GCC2: variants seen among roughly 807,000 people sequenced by gnomAD.
The protein encoded by GCC2 is GRIP and coiled-coil domain-containing protein 2.
GCC2 carries 120 observed loss-of-function variants against 210.6 expected under a neutral mutation model. The observed-to-expected ratio is 0.57, with a 90% CI of 0.49 to 0.66. The LOEUF (loss-of-function observed/expected upper bound fraction) is 0.66. Ranked by LOEUF, GCC2 falls within the 30% of genes least tolerant of loss-of-function variation. The probability of loss-of-function intolerance (pLI) is 0.00; values close to 1 mark genes in which losing one functional copy is unlikely to be tolerated. For synonymous variants in GCC2, 703 were observed against 652.7 expected (o/e 1.08, Z -1.17); for missense variants, 1,868 against 1,871.9 (o/e 1.00, Z 0.04).
rs200440313 is a variant in GCC2 at position 108,483,561 on chromosome 2, A to AT, written c.3450+396dup. ...ACTATTCTATACATGTTGAAAAGGA[A>AT]TATTTTAGAATGTTACTTGTGGTAC... On this transcript the variant is annotated intron_variant, in intron 12 of 22. Coordinates refer to ENST00000309863, the MANE Select transcript of GCC2 (RefSeq NM_181453.4). 4.6e-5 allele frequency among the ~76,000 whole-genome samples: 7 copies of AT among 152,290 alleles called. No homozygotes were observed. The East Asian group carries it at 9.6e-4, about 21-fold the overall frequency.
chr2:108,460,168 A>G (rs1024225318), intron 4 of GCC2, among the ~76,000 whole-genome samples: 12 of 152,102 alleles, frequency 7.9e-5, no homozygotes, highest in African/African-American at 2.7e-4. Flanking sequence ...AGATTTTCTA[A>G]TCCTTTTGTT....
chr2:108,489,907 T>C lies in GCC2; in HGVS notation c.4122T>C (p.Ile1374=), dbSNP rs760256265. The C allele has an allele frequency of 6.2e-7, 1 of 1,610,474 alleles. No individual in the cohort carries two copies. Among genetic ancestry groups the C allele is most frequent in the South Asian group, 1.1e-5 (1 of 90,774 alleles). ...KLQDSQNNLQ[I]NVSELQTLQS... The stretch of plus-strand genomic sequence containing the variant: ...AAGATAGCCAAAATAACTTACAGAT[T>C]AATGTATCTGAACTTCAAACATTGC... Residue 1374 remains isoleucine (I), a synonymous_variant, in exon 18 of 23, where the codon ATT becomes ATC. Coordinates refer to ENST00000309863, the MANE Select transcript of GCC2 (RefSeq NM_181453.4).
In GCC2 at chr2:108,489,119, C is replaced by T. The variant is rs191051142; in HGVS notation, c.4053-719C>T. On this transcript the variant is annotated intron_variant, in intron 17 of 22. Coordinates refer to ENST00000309863, the MANE Select transcript of GCC2 (RefSeq NM_181453.4). Reference sequence around the variant, plus strand: ...GCAGAATCAGGATTTTAACTATCTCCACCTAGTGTTTTTTCCAAGTCTAAA... The same window carrying T: ...GCAGAATCAGGATTTTAACTATCTCTACCTAGTGTTTTTTCCAAGTCTAAA... 4.6e-5 allele frequency among the ~76,000 whole-genome samples: 7 copies of T among 152,296 alleles called. No homozygotes were observed. In the East Asian group the frequency reaches 9.6e-4, roughly 21 times the overall value.
intron 4 of GCC2, among the ~76,000 whole-genome samples, chr2:108,466,003 C>T (rs1680863688): frequency 6.6e-6 from 1 of 152,170 alleles, no homozygotes; most frequent in Admixed American, 6.5e-5. Flanking sequence ...GGTGGTATCT[C>T]ACTGTGGCTT....
chr2:108,465,134 A>G (rs1211049580), intron 4 of GCC2, among the ~76,000 whole-genome samples: 1 of 152,204 alleles, frequency 6.6e-6, no homozygotes, highest in Non-Finnish European at 1.5e-5. Context: ...ACATTTCAAC[A>G]TGAGATTTGG....
chr2:108,480,364 CAG>C lies in GCC2; in HGVS notation c.3061-1331_3061-1330del, dbSNP rs1681787623. Among the ~76,000 whole-genome samples the C allele has an allele frequency of 3.9e-5, 6 of 152,240 alleles. No homozygotes were observed. In the South Asian group the frequency reaches 1.2e-3, roughly 32 times the overall value. On this transcript the variant is annotated intron_variant, in intron 9 of 22. Transcript: ENST00000309863. ...AACAGATTCCTCAAAGACCTAAAAA[CAG>C]AAATACCATTTGACCCAGCAATCCC...
At position 108,509,366 on chromosome 2, in the gene GCC2, T is replaced by C. The variant is rs1317660942; in HGVS notation, c.*1736T>C. On this transcript the variant is annotated 3_prime_UTR_variant, in exon 23 of 23. Transcript: ENST00000309863. Reference sequence around the variant, plus strand: ...GCAATGAGAGGAAGTGTAATGATTATTTTAATATTTCTATTAAATATGTTT... The same window carrying C: ...GCAATGAGAGGAAGTGTAATGATTACTTTAATATTTCTATTAAATATGTTT... The C allele has an allele frequency of 6.6e-6, 1 of 152,310 alleles. No individual in the cohort carries two copies. Among genetic ancestry groups the C allele is most frequent in the Non-Finnish European group, 1.5e-5 (1 of 68,024 alleles). 9.4% of individuals were successfully genotyped at this position (152,310 alleles called of 1,614,324 possible). A position where few individuals can be genotyped will look rare whatever the true frequency, so the allele number is the denominator to read the frequency against.
At chr2:108,478,156 C>T (rs1032347418) in intron 9 of GCC2, among the ~76,000 whole-genome samples, 2 of 152,020 alleles carry the variant, frequency 1.3e-5, no homozygotes, top group Admixed American at 6.5e-5. Flanking sequence ...GTAACTTGCT[C>T]TTATGAAGAA....
chr2:108,482,469 A>C lies in GCC2; in HGVS notation c.3345+18A>C. 1 of 1,268,312 alleles carries C rather than the reference A, an allele frequency of 7.9e-7. No individual in the cohort carries two copies. Among genetic ancestry groups the C allele is most frequent in the Non-Finnish European group, 1.1e-6 (1 of 880,064 alleles). The allele number at this position is 1,268,312 out of a possible 1,614,324, so 78.6% of individuals were successfully genotyped here. A position where few individuals can be genotyped will look rare whatever the true frequency, so the allele number is the denominator to read the frequency against. On this transcript the variant is annotated intron_variant, in intron 11 of 22. Coordinates refer to ENST00000309863, the MANE Select transcript of GCC2 (RefSeq NM_181453.4). ...AGATAAAGGTAAAAACAATCCTATGAGATTGATTCACATATATATGATGCA... is the reference window on the plus strand; with the variant it reads ...AGATAAAGGTAAAAACAATCCTATGCGATTGATTCACATATATATGATGCA...
intron 4 of GCC2, among the ~76,000 whole-genome samples, chr2:108,459,745 CTTTTTTTTTTTTT>C (rs34052393): frequency 0.01 from 268 of 26,788 alleles, 2 homozygotes; most frequent in African/African-American, 0.03. Context: ...CCTTCTTTGT[CTTTTTTTTTTTTT>C]TTTTTTTTTT....
chr2:108,473,131 T>C, intron 7 of GCC2: 1 of 391,194 alleles, frequency 2.6e-6, no homozygotes, highest in South Asian at 4.5e-5. Flanking sequence ...ATAAATGGCT[T>C]CATGATTTAT....
At chr2:108,460,006 T>C (rs1423429115) in intron 4 of GCC2, among the ~76,000 whole-genome samples, 3 of 151,880 alleles carry the variant, frequency 2.0e-5, no homozygotes, top group Non-Finnish European at 4.4e-5. Context: ...TCTGCTACCA[T>C]GCCCAGCTAA....
chr2:108,453,800 A>C (rs921012964), intron 4 of GCC2, among the ~76,000 whole-genome samples: 14 of 151,590 alleles, frequency 9.2e-5, no homozygotes, highest in Admixed American at 5.3e-4. Flanking sequence ...AAAAAAAAAA[A>C]AACACAAAAA....
intron 9 of GCC2, among the ~76,000 whole-genome samples, chr2:108,477,563 A>G (rs1681607439): frequency 6.6e-6 from 1 of 152,196 alleles, no homozygotes; most frequent in Non-Finnish European, 1.5e-5. Flanking sequence ...CATCTCAGTA[A>G]AGTTTGAAAC....
In GCC2 at chr2:108,481,833, TC is replaced by T; in HGVS notation, c.3180+19del. The stretch of plus-strand genomic sequence containing the variant: ...ACTTTGCAGGTAATTTTTTAATAAA[TC>T]CAAAAATGAAAACTATAACAGGTAT... On this transcript the variant is annotated intron_variant, in intron 10 of 22. Transcript: ENST00000309863. 1 of 1,526,220 alleles carries T rather than the reference TC, an allele frequency of 6.6e-7. No homozygotes were observed. The highest frequency in any genetic ancestry group is 8.8e-7 in the Non-Finnish European group (1 of 1,131,032). 94.5% of individuals were successfully genotyped at this position (1,526,220 alleles called of 1,614,324 possible). A position where few individuals can be genotyped will look rare whatever the true frequency, so the allele number is the denominator to read the frequency against.
At chr2:108,484,811 T>C (rs1682046570) in intron 13 of GCC2, 1 of 151,846 alleles carries the variant, frequency 6.6e-6, no homozygotes. Flanking sequence ...CCATGCTGTT[T>C]TGGTTACTGT....
intron 22 of GCC2, among the ~76,000 whole-genome samples, chr2:108,502,242 AATG>A (rs1389815570): frequency 3.9e-5 from 6 of 152,220 alleles, no homozygotes; most frequent in South Asian, 2.1e-4. Flanking sequence ...TCAATACAAC[AATG>A]ATATTATCTC....
At chr2:108,459,859 T>C (rs1680472959) in intron 4 of GCC2, among the ~76,000 whole-genome samples, 1 of 146,092 alleles carries the variant, frequency 6.8e-6, no homozygotes, top group Admixed American at 7.1e-5. Context: ...GAACCTGGAA[T>C]GCAGAGGTTG....
At chr2:108,461,464 A>G (rs568045857) in intron 4 of GCC2, among the ~76,000 whole-genome samples, 18 of 152,144 alleles carry the variant, frequency 1.2e-4, no homozygotes, top group African/African-American at 3.1e-4. Context: ...GTTTTCATGT[A>G]TTATTTCACT....
Sources: gnomAD v4.1 joint callset for allele counts (sites outside exome capture counted in the v4.1 genomes callset) on GRCh38, gnomAD v4.1.1 for gene constraint, MANE v1.5 for transcripts, NCBI Gene and HGNC (gene_info 2026-07-23, HGNC 2026-07-21) for gene names.